Variants in CDH4 observed in about 807,000 individuals in gnomAD.
CDH4 encodes cadherin-4.
In CDH4, 33 loss-of-function variants were observed where a neutral mutation model predicts 86.0. That is an observed-to-expected ratio of 0.38 (90% CI 0.29 to 0.51). CDH4 has a LOEUF of 0.51. Among genes scored for constraint, CDH4 ranks in the 20% least tolerant of loss-of-function variants. The probability of loss-of-function intolerance (pLI) is 0.86; values close to 1 mark genes in which losing one functional copy is unlikely to be tolerated. For synonymous variants in CDH4, 555 were observed against 549.4 expected, an observed-to-expected ratio of 1.01 and a Z score of -0.14; for missense variants, 1,114 against 1,307.4, an observed-to-expected ratio of 0.85 and a Z score of 2.28.
intron 2 of CDH4, among the ~76,000 whole-genome samples, chr20:61,545,894 CGTAT>C (rs2086076135): frequency 1.5e-5 from 1 of 65,620 alleles, no homozygotes; most frequent in African/African-American, 6.1e-5. Context: ...GGTATGTGTT[CGTAT>C]GTGTGTGTGT....
At chr20:61,604,679 C>T (rs12162458) in intron 2 of CDH4, among the ~76,000 whole-genome samples, 6,657 of 152,170 alleles carry the variant, frequency 0.044, 279 homozygotes, top group East Asian at 0.16. Flanking sequence ...TGAGAGCACA[C>T]GTGCACATGC....
chr20:61,654,295 C>T (rs13040602), intron 2 of CDH4, among the ~76,000 whole-genome samples: 22,039 of 152,196 alleles, frequency 0.14, 2,050 homozygotes, highest in Non-Finnish European at 0.21. Context: ...CGTGGTGGCA[C>T]GCGCCTGCAA....
rs567329774 is a variant in CDH4 at position 61,807,020 on chromosome 20, G to A, written c.576+33838G>A. Among the ~76,000 whole-genome samples the A allele has an allele frequency of 5.3e-5, 8 of 152,314 alleles. No individual in the cohort carries two copies. The South Asian group carries it at 1.7e-3, about 32-fold the overall frequency. ...GGGATCTTTTTTTAACTACTACAAA[G>A]CCCTCTAATAATGGGTTGCTAAGAA... On this transcript the variant is annotated intron_variant, in intron 4 of 15. Coordinates refer to ENST00000614565, the MANE Select transcript of CDH4 (RefSeq NM_001794.5). This position sits in a 1 kb window ranked among gnomAD's most constrained non-coding sequence, Gnocchi z 4.5.
intron 5 of CDH4, among the ~76,000 whole-genome samples, chr20:61,846,344 C>A (rs1982454480): frequency 6.6e-6 from 1 of 152,248 alleles, no homozygotes; most frequent in Non-Finnish European, 1.5e-5. Context: ...CTGACGCCCC[C>A]TGGCTATGCA....
intron 2 of CDH4, among the ~76,000 whole-genome samples, chr20:61,336,455 G>A (rs1273195564): frequency 1.3e-5 from 2 of 152,016 alleles, no homozygotes; most frequent in Non-Finnish European, 2.9e-5. Flanking sequence ...TTTCCCTGTG[G>A]TGACCTGTTT....
chr20:61,381,031 G>C (rs911644044), intron 2 of CDH4, among the ~76,000 whole-genome samples: 2 of 152,244 alleles, frequency 1.3e-5, no homozygotes, highest in Non-Finnish European at 2.9e-5. Flanking sequence ...GAATTCGGCA[G>C]ATGGAAATTC....
intron 2 of CDH4, among the ~76,000 whole-genome samples, chr20:61,566,035 G>C (rs2086295069): frequency 6.6e-6 from 1 of 152,170 alleles, no homozygotes; most frequent in African/African-American, 2.4e-5. Flanking sequence ...CCCTTTCTCG[G>C]GTGCACAGTG....
intron 2 of CDH4, among the ~76,000 whole-genome samples, chr20:61,685,877 A>T (rs925813774): frequency 6.6e-6 from 1 of 152,212 alleles, no homozygotes; most frequent in African/African-American, 2.4e-5. Flanking sequence ...GGGCTGTGGG[A>T]TCCCCACTGG....
chr20:61,422,717 C>T lies in CDH4; in HGVS notation c.169+167780C>T, dbSNP rs150686429. On this transcript the variant is annotated intron_variant, in intron 2 of 15. Transcript: ENST00000614565. The stretch of plus-strand genomic sequence containing the variant: ...AGCACCTCAGCTGCAGAAGGGGCCT[C>T]ATCTGGCCTCAGGAGGCTTCTGAGA... Among the ~76,000 whole-genome samples the T allele has an allele frequency of 2.6e-3, 391 of 152,240 alleles. 1 individual carries two copies. The highest frequency in any genetic ancestry group is 8.8e-3 in the African/African-American group (365 of 41,530).
rs565564215 is a variant in CDH4, at chr20:61,316,558, C to T, written c.169+61621C>T. 3.3e-5 allele frequency among the ~76,000 whole-genome samples: 5 copies of T among 152,316 alleles called. No individual in the cohort carries two copies. In the East Asian group the frequency reaches 5.8e-4, roughly 18 times the overall value. On this transcript the variant is annotated intron_variant, in intron 2 of 15. Transcript: ENST00000614565. ...TCCCATCTGCCATCTGCTGCATCCT[C>T]GAAGCAGGGATCGCTTTGCTTGTTA... is the stretch of plus-strand genomic sequence containing the variant.
intron 2 of CDH4, among the ~76,000 whole-genome samples, chr20:61,692,273 CTTTG>C (rs1568759226): frequency 2.7e-5 from 4 of 148,722 alleles, no homozygotes; most frequent in African/African-American, 1.0e-4. Context: ...GTATGTGTGT[CTTTG>C]TGTGTGTGTG....
At chr20:61,522,882 C>T (rs73150291) in intron 2 of CDH4, among the ~76,000 whole-genome samples, 12,845 of 152,296 alleles carry the variant, frequency 0.084, 634 homozygotes, top group Non-Finnish European at 0.12. Context: ...TGGGCCGGAG[C>T]CCTCTGCAGT....
chr20:61,358,103 T>C (rs930278121), intron 2 of CDH4, among the ~76,000 whole-genome samples: 2 of 152,226 alleles, frequency 1.3e-5, no homozygotes, highest in Non-Finnish European at 2.9e-5. Flanking sequence ...CTGTGGGTTG[T>C]GCTCATTTTC....
At chr20:61,552,865 GAAAA>G (rs59080880) in intron 2 of CDH4, among the ~76,000 whole-genome samples, 1 of 148,538 alleles carries the variant, frequency 6.7e-6, no homozygotes. Flanking sequence ...CCACTGTAAA[GAAAA>G]AAAAAAAACT....
At chr20:61,696,092 T>C (rs868746671) in intron 2 of CDH4, among the ~76,000 whole-genome samples, 1 of 152,104 alleles carries the variant, frequency 6.6e-6, no homozygotes, top group Non-Finnish European at 1.5e-5. Flanking sequence ...AAGCCTCACA[T>C]CCATGTCAGC....
At chr20:61,735,655 C>T (rs1430282578) in intron 2 of CDH4, among the ~76,000 whole-genome samples, 1 of 152,208 alleles carries the variant, frequency 6.6e-6, no homozygotes. Context: ...CCCCGTGCTC[C>T]CTGATGATGG....
chr20:61,499,357 G>C (rs2085684181), intron 2 of CDH4: 1 of 888,576 alleles, frequency 1.1e-6, no homozygotes, highest in African/African-American at 1.7e-5. Context: ...TAGAAGGATA[G>C]CAGTGCCTCT....
intron 2 of CDH4, among the ~76,000 whole-genome samples, chr20:61,649,445 C>T (rs938602808): frequency 4.6e-5 from 7 of 152,228 alleles, no homozygotes; most frequent in Admixed American, 4.6e-4. Context: ...TTGCACACTA[C>T]TCCACTGAAT....
chr20:61,936,153 C>A (rs1341955892), intron 15 of CDH4, among the ~76,000 whole-genome samples: 1 of 151,918 alleles, frequency 6.6e-6, no homozygotes, highest in Non-Finnish European at 1.5e-5. Flanking sequence ...CACCCTAGGT[C>A]CACTTTCCCT....
Sources: allele counts gnomAD v4.1 joint callset (sites outside exome capture counted in the v4.1 genomes callset), GRCh38; gene constraint gnomAD v4.1.1; non-coding constraint Gnocchi (gnomAD v3.1); transcripts MANE v1.5; gene names NCBI Gene and HGNC (gene_info 2026-07-23, HGNC 2026-07-21).